The following POLR1A variants were observed in gnomAD, a reference collection of about 807,000 sequenced individuals.
POLR1A encodes DNA-directed RNA polymerase I subunit RPA1.
POLR1A carries 84 observed loss-of-function variants against 205.3 expected under a neutral mutation model. The ratio of observed to expected loss-of-function variants is 0.41; its 90% CI spans 0.34 to 0.49. The LOEUF (loss-of-function observed/expected upper bound fraction) is 0.49. Ranked by LOEUF, POLR1A falls within the 20% of genes least tolerant of loss-of-function variation. The probability of loss-of-function intolerance (pLI) is 0.22; values close to 1 mark genes in which losing one functional copy is unlikely to be tolerated. For synonymous variants in POLR1A, 799 were observed against 863.7 expected (o/e 0.93, Z 1.31); for missense variants, 1,645 against 2,204.5 (o/e 0.75, Z 5.08).
chr2:86,083,257 C>G (rs1382677550), intron 6 of POLR1A, 89 bp from the exon 7 acceptor site: 3 of 920,828 alleles, frequency 3.3e-6, no homozygotes, highest in Admixed American at 1.9e-5. Flanking sequence ...ATCCCCAAGC[C>G]TGCAACTTGA....
At chr2:86,029,301 G>A (rs1031224958) in intron 31 of POLR1A, among the ~76,000 whole-genome samples, 26 of 152,196 alleles carry the variant, frequency 1.7e-4, no homozygotes, top group African/African-American at 6.0e-4. Context: ...GGGCAGAAGT[G>A]TACGTGGCAG....
At position 86,021,291 on chromosome 2, in the gene POLR1A, CTGAG is replaced by C. The variant is rs1193292699; in HGVS notation, c.*6128_*6131del. ...GCATCTGGCAGGGCCTCCAGGCCTT[CTGAG>C]TAAGGAAGACCCCAGCTTGCAAAAG... On this transcript the variant is annotated 3_prime_UTR_variant, in exon 34 of 34. Coordinates refer to ENST00000263857, the MANE Select transcript of POLR1A (RefSeq NM_015425.6). 1 of 152,076 alleles carries C rather than the reference CTGAG, an allele frequency of 6.6e-6. No homozygotes were observed. The highest frequency in any genetic ancestry group is 2.4e-5 in the African/African-American group (1 of 41,186). The allele number at this position is 152,076 out of a possible 1,614,324, so 9.4% of individuals were successfully genotyped here. A position where few individuals can be genotyped will look rare whatever the true frequency, so the allele number is the denominator to read the frequency against.
At chr2:86,069,845 G>A (rs904520939) in intron 13 of POLR1A, among the ~76,000 whole-genome samples, 173 bp downstream of exon 13, 2 of 152,208 alleles carry the variant, frequency 1.3e-5, no homozygotes, top group African/African-American at 4.8e-5. Flanking sequence ...ACATTTCCCA[G>A]CCTCTAAGCC....
chr2:86,031,230 C>G lies in POLR1A; in HGVS notation c.4578+100G>C, dbSNP rs567003940. On this transcript the variant is annotated intron_variant, in intron 30 of 33. Coordinates refer to ENST00000263857, the MANE Select transcript of POLR1A (RefSeq NM_015425.6). ...AGACCATGGGGAATGTTGGCTGCCCCCTGCCCAGCTGTGCAGGGGAGCTCA... is the reference window on the plus strand; with the variant it reads ...AGACCATGGGGAATGTTGGCTGCCCGCTGCCCAGCTGTGCAGGGGAGCTCA... The G allele has an allele frequency of 1.9e-4, 280 of 1,449,492 alleles. No individual in the cohort carries two copies. In the African/African-American group the frequency reaches 3.6e-3, roughly 19 times the overall value. 89.8% of individuals were successfully genotyped at this position (1,449,492 alleles called of 1,614,324 possible).
chr2:86,031,724 T>G, intron 29 of POLR1A, 89 bp from the exon 30 acceptor site: 2 of 1,531,886 alleles, frequency 1.3e-6, no homozygotes, highest in African/African-American at 2.7e-5. Context: ...CTGCAAAGCC[T>G]TGGCTGGCCT....
chr2:86,050,168 G>A (rs12471259), intron 16 of POLR1A, among the ~76,000 whole-genome samples: 8,488 of 152,068 alleles, frequency 0.056, 349 homozygotes, highest in Non-Finnish European at 0.086. Context: ...CACCTGCCTC[G>A]GCCTCCCAAA....
At chr2:86,038,528 C>T (rs1306995903) in intron 27 of POLR1A, among the ~76,000 whole-genome samples, 172 bp downstream of exon 27, 1 of 152,214 alleles carries the variant, frequency 6.6e-6, no homozygotes, top group African/African-American at 2.4e-5. Flanking sequence ...AGACTGTGGT[C>T]AGGTTTCCAG....
chr2:86,059,223 T>A (rs1242537073), intron 14 of POLR1A, among the ~76,000 whole-genome samples: 1 of 152,190 alleles, frequency 6.6e-6, no homozygotes, highest in Non-Finnish European at 1.5e-5. Flanking sequence ...CACAAGACAA[T>A]TACAAAAACA....
At chr2:86,095,632 A>T (rs997153416) in intron 3 of POLR1A, among the ~76,000 whole-genome samples, 21 of 152,224 alleles carry the variant, frequency 1.4e-4, no homozygotes, top group Non-Finnish European at 2.9e-4. Flanking sequence ...TTTATCCAAA[A>T]GTAACCAGCC....
intron 7 of POLR1A, 52 bp downstream of exon 7, chr2:86,083,030 G>A: frequency 1.5e-6 from 2 of 1,333,952 alleles, no homozygotes; most frequent in Non-Finnish European, 2.2e-6. Context: ...ATGAGTCCAG[G>A]AAATAAAAGC....
chr2:86,031,943 G>C (rs569550921), intron 29 of POLR1A, among the ~76,000 whole-genome samples: 127 of 152,318 alleles, frequency 8.3e-4, no homozygotes, highest in African/African-American at 2.9e-3. Context: ...ACTGGTTTGT[G>C]GGAGGAGAGA....
At position 86,038,774 on chromosome 2, in the gene POLR1A, C is replaced by T; in HGVS notation, c.3960G>A (p.Gln1320=). ...NKFQVYQLRF[Q]FLPHAYYQQE... ...GCTGGTAATATGCATGTGGCAGGAA[C>T]TGAAACCGCAGCTGGTACACCTGGA... is the stretch of plus-strand genomic sequence containing the variant. Residue 1320 remains glutamine (Q), a synonymous_variant, in exon 27 of 34, where the codon CAG becomes CAA. Transcript: ENST00000263857. 1 of 1,614,000 alleles carries T rather than the reference C, an allele frequency of 6.2e-7. No homozygotes were observed. The highest frequency in any genetic ancestry group is 8.5e-7 in the Non-Finnish European group (1 of 1,179,880).
intron 11 of POLR1A, among the ~76,000 whole-genome samples, chr2:86,077,400 C>T (rs1042850254): frequency 5.3e-5 from 8 of 152,194 alleles, no homozygotes; most frequent in African/African-American, 1.9e-4. Context: ...ACTCCCTTTC[C>T]TCTTCCCAGT....
At chr2:86,067,599 A>G (rs959198026) in intron 13 of POLR1A, among the ~76,000 whole-genome samples, 5 of 152,358 alleles carry the variant, frequency 3.3e-5, no homozygotes, top group South Asian at 2.1e-4. Context: ...ATTCAGTATT[A>G]TGGTTACTTA....
intron 16 of POLR1A, among the ~76,000 whole-genome samples, chr2:86,051,238 G>C (rs1672796197): frequency 6.6e-6 from 1 of 152,168 alleles, no homozygotes; most frequent in Non-Finnish European, 1.5e-5. Context: ...AGAGTATGTA[G>C]CGTAGGATCC....
At chr2:86,048,077 G>A (rs368798377) in intron 18 of POLR1A, among the ~76,000 whole-genome samples, 13 of 152,112 alleles carry the variant, frequency 8.5e-5, no homozygotes, top group African/African-American at 1.4e-4. Context: ...ATGAGAAGTC[G>A]GTCTTCTCAG....
Position 86,078,016 on chromosome 2 carries a change from A to G in POLR1A, c.1258-35T>C, listed in dbSNP as rs1398763052. On this transcript the variant is annotated intron_variant, in intron 10 of 33. Transcript: ENST00000263857. ...GAAAAAAGGTCATAAAAAACATTCA[A>G]CAAGAATTCCAGTAGGCTTATTAGT... 7 of 1,613,690 alleles carry G rather than the reference A, an allele frequency of 4.3e-6. No individual in the cohort carries two copies. The South Asian group carries it at 6.6e-5, about 15-fold the overall frequency.
chr2:86,070,092 A>G lies in POLR1A; in HGVS notation c.1792T>C (p.Phe598Leu). The change falls in exon 13 of 34, where the codon TTC (phenylalanine) becomes CTC (leucine). Residue 598 changes from phenylalanine (F) to leucine (L), a missense_variant. Transcript: ENST00000263857. This position sits in a 1 kb window ranked among gnomAD's most constrained non-coding sequence, Gnocchi z 4.4. ...GCCCGGCCCAGCTCACTCTGGGGGAAATGGGCATTCATCTCGTCTCCATCA... is the reference window on the plus strand; with the variant it reads ...GCCCGGCCCAGCTCACTCTGGGGGAGATGGGCATTCATCTCGTCTCCATCA... ...DFDGDEMNAH[F>L]PQSELGRAEA... The G allele has an allele frequency of 6.2e-7, 1 of 1,614,162 alleles. No individual in the cohort carries two copies. The highest frequency in any genetic ancestry group is 8.5e-7 in the Non-Finnish European group (1 of 1,180,000).
At chr2:86,047,497 A>G (rs921865339) in intron 18 of POLR1A, among the ~76,000 whole-genome samples, 3 of 152,204 alleles carry the variant, frequency 2.0e-5, no homozygotes, top group Non-Finnish European at 4.4e-5. Context: ...CTCTGCCAGG[A>G]TCCCCGAGGT....
Sources: allele counts gnomAD v4.1 joint callset (sites outside exome capture counted in the v4.1 genomes callset), GRCh38; gene constraint gnomAD v4.1.1; non-coding constraint Gnocchi (gnomAD v3.1); transcripts MANE v1.5; gene names NCBI Gene and HGNC (gene_info 2026-07-23, HGNC 2026-07-21).